The following GRIP2 variants were observed in gnomAD, a reference collection of about 807,000 sequenced individuals.
GRIP2 encodes the protein glutamate receptor-interacting protein 2.
A neutral mutation model predicts 108.3 loss-of-function variants in GRIP2; 58 were observed. That is an observed-to-expected ratio of 0.54 (90% CI 0.43 to 0.67). The LOEUF is 0.67. GRIP2 is among the 30% of genes least tolerant of loss of function. The probability of loss-of-function intolerance (pLI) is 0.00; values close to 1 mark genes in which losing one functional copy is unlikely to be tolerated. For missense variants in GRIP2, 1,278 were observed against 1,430.6 expected (o/e 0.89, Z 1.72); for synonymous variants, 586 against 598.2 (o/e 0.98, Z 0.30).
chr3:14,568,599 G>T, the GRIP2 span, among the ~76,000 whole-genome samples: 1 of 152,170 alleles, frequency 6.6e-6, no homozygotes, highest in Non-Finnish European at 1.5e-5. Context: ...CACAGGTCTG[G>T]GGTCTGAGAT....
At chr3:14,546,940 T>C (rs1024811062), upstream of GRIP2, among the ~76,000 whole-genome samples, 2 of 152,132 alleles carry the variant, frequency 1.3e-5, no homozygotes, top group African/African-American at 4.8e-5. Context: ...TGTGTCCCAG[T>C]ACCCTCACTC....
chr3:14,523,412 C>T (rs367565424), intron 5 of GRIP2, 200 bp downstream of exon 5: 54 of 585,872 alleles, frequency 9.2e-5, no homozygotes, highest in African/African-American at 9.1e-4. Flanking sequence ...GTACAACTTT[C>T]TCCTCTCACT....
At chr3:14,552,634 CT>C (rs35588712) in intron 1 of GRIP2, among the ~76,000 whole-genome samples, 21,779 of 128,960 alleles carry the variant, frequency 0.17, 2,243 homozygotes, top group African/African-American at 0.32. Flanking sequence ...CTCTCTCTCT[CT>C]TTTTTTTTTT....
rs768157757 is a variant in GRIP2 at position 14,521,829 on chromosome 3, A to T, written c.567-42T>A. On this transcript the variant is annotated intron_variant, in intron 6 of 23. Coordinates refer to ENST00000621039, the MANE Select transcript of GRIP2 (RefSeq NM_001080423.4). This position sits in a 1 kb window ranked among gnomAD's most constrained non-coding sequence, Gnocchi z 5.1. ...GTCACCAGCCTGGCCCGGCAGCAGCACTGGGCACAGCCTGTCTGGGAGGGC... is the reference window on the plus strand; with the variant it reads ...GTCACCAGCCTGGCCCGGCAGCAGCTCTGGGCACAGCCTGTCTGGGAGGGC... The T allele has an allele frequency of 2.5e-5, 38 of 1,528,640 alleles. 1 individual carries two copies. Among genetic ancestry groups the T allele is most frequent in the Non-Finnish European group, 3.3e-5 (38 of 1,136,856 alleles). 94.7% of individuals were successfully genotyped at this position (1,528,640 alleles called of 1,614,324 possible).
the GRIP2 span, among the ~76,000 whole-genome samples, chr3:14,569,448 G>C: frequency 2.6e-5 from 4 of 152,166 alleles, no homozygotes; most frequent in Non-Finnish European, 5.9e-5. Context: ...GGAGTCCCAG[G>C]GAGGCCTAGG....
At chr3:14,526,031 T>C in intron 1 of GRIP2, 100 bp from the exon 2 acceptor site, 2 of 1,005,188 alleles carry the variant, frequency 2.0e-6, no homozygotes, top group South Asian at 1.4e-5. Flanking sequence ...ACGTGGCCTG[T>C]AAGATGGGTT....
At chr3:14,577,014 C>T in the GRIP2 span, among the ~76,000 whole-genome samples, 6 of 152,230 alleles carry the variant, frequency 3.9e-5, no homozygotes, top group African/African-American at 1.4e-4. Context: ...CATTTCTTTG[C>T]TCGTAGCTCC....
the GRIP2 span, among the ~76,000 whole-genome samples, chr3:14,564,850 G>A: frequency 1.3e-5 from 2 of 152,224 alleles, no homozygotes; most frequent in Admixed American, 1.3e-4. Context: ...AGGTCATGCA[G>A]CCTGAAGCCG....
the GRIP2 span, among the ~76,000 whole-genome samples, chr3:14,572,611 C>CAAAAAAAAAAA: frequency 2.1e-5 from 1 of 46,954 alleles, no homozygotes; most frequent in African/African-American, 9.5e-5. Flanking sequence ...GACTCCGTCT[C>CAAAAAAAAAAA]AAAAAAAAAA....
At chr3:14,516,440 T>G (rs1694250135) in intron 11 of GRIP2, among the ~76,000 whole-genome samples, 1 of 152,222 alleles carries the variant, frequency 6.6e-6, no homozygotes, top group African/African-American at 2.4e-5. Context: ...AAGAAGGGTT[T>G]CAAAATTTTA....
chr3:14,503,678 C>T lies in GRIP2; in HGVS notation c.2574-7G>A, dbSNP rs1385328036. ...GGCAGGGCCAGGGGCTGGGCTGTAA[C>T]GTAGGAACCAGAGAGCGTCAACTCC... is the stretch of plus-strand genomic sequence containing the variant. On this transcript the variant is annotated splice_region_variant and splice_polypyrimidine_tract_variant and intron_variant, in intron 20 of 23. Transcript: ENST00000621039. 5 of 1,240,328 alleles carry T rather than the reference C, an allele frequency of 4.0e-6. No individual in the cohort carries two copies. Among genetic ancestry groups the T allele is most frequent in the East Asian group, 4.1e-5 (1 of 24,426 alleles). The allele number at this position is 1,240,328 out of a possible 1,614,324, so 76.8% of individuals were successfully genotyped here.
At chr3:14,591,849 G>A in the GRIP2 span, among the ~76,000 whole-genome samples, 1 of 152,186 alleles carries the variant, frequency 6.6e-6, no homozygotes. Flanking sequence ...CAGACCAGAT[G>A]TCAAGAAAAG....
At chr3:14,497,319 T>A (rs1169677342) in intron 21 of GRIP2, among the ~76,000 whole-genome samples, 1 of 151,990 alleles carries the variant, frequency 6.6e-6, no homozygotes, top group Non-Finnish European at 1.5e-5. Context: ...CCAACATAAA[T>A]AAGATAAAAT....
Position 14,507,562 on chromosome 3 carries a change from G to T in GRIP2, c.2217C>A (p.Asp739Glu), listed in dbSNP as rs1298219836. The T allele has an allele frequency of 1.2e-5, 19 of 1,613,380 alleles. No homozygotes were observed. Among genetic ancestry groups the T allele is most frequent in the Admixed American group, 3.3e-5 (2 of 60,010 alleles). The change falls in exon 18 of 24, where the codon GAC becomes GAA. Residue 739 changes from aspartate to glutamate, a missense_variant and splice_region_variant. Physicochemically the swap from Asp to Glu is conservative, Grantham distance 45. Coordinates refer to ENST00000621039, the MANE Select transcript of GRIP2 (RefSeq NM_001080423.4). The surrounding 1 kb of genome is among the most constrained non-coding windows in gnomAD (Gnocchi z 4.6). The stretch of plus-strand genomic sequence containing the variant: ...CCCAGGGGATGAAGCGAATCTCACG[G>T]TCTAGTTGCTTCTTGATCTTCAGTG... Reference protein sequence around the residue: ...TVTLKIKKQLDRPLLPRKSGS... With the variant: ...TVTLKIKKQLERPLLPRKSGS...
chr3:14,529,954 T>C (rs1377313866), intron 1 of GRIP2, among the ~76,000 whole-genome samples: 1 of 152,230 alleles, frequency 6.6e-6, no homozygotes, highest in Non-Finnish European at 1.5e-5. Context: ...TCAATGATTA[T>C]GGGTATTTAC....
chr3:14,517,738 G>C, intron 10 of GRIP2, 34 bp downstream of exon 10: 2 of 1,607,218 alleles, frequency 1.2e-6, no homozygotes, highest in Non-Finnish European at 1.7e-6. Context: ...AAGGCTACAA[G>C]ACTGGCTGAG....
At chr3:14,589,414 G>A in the GRIP2 span, among the ~76,000 whole-genome samples, 6 of 152,204 alleles carry the variant, frequency 3.9e-5, no homozygotes, top group Non-Finnish European at 7.3e-5. Context: ...TACCATGGGA[G>A]AGGTGGGGAC....
At chr3:14,596,689 G>A in the GRIP2 span, among the ~76,000 whole-genome samples, 2 of 152,132 alleles carry the variant, frequency 1.3e-5, no homozygotes, top group Non-Finnish European at 2.9e-5. Flanking sequence ...GGCAGGAATA[G>A]GAAACTCATA....
chr3:14,565,322 A>G, the GRIP2 span, among the ~76,000 whole-genome samples: 2 of 152,200 alleles, frequency 1.3e-5, no homozygotes, highest in Non-Finnish European at 2.9e-5. Flanking sequence ...AGTCCATTGA[A>G]AGCAGAGTCA....
Sources: allele counts gnomAD v4.1 joint callset (sites outside exome capture counted in the v4.1 genomes callset), GRCh38; gene constraint gnomAD v4.1.1; non-coding constraint Gnocchi (gnomAD v3.1); transcripts MANE v1.5; gene names NCBI Gene and HGNC (gene_info 2026-07-23, HGNC 2026-07-21).